The following PCP4 variants were observed in gnomAD, a reference collection of about 807,000 sequenced individuals.
The protein encoded by PCP4 is Purkinje cell protein 4.
In PCP4, 8 loss-of-function variants were observed where a neutral mutation model predicts 10.0. That is an observed-to-expected ratio of 0.80 (90% CI 0.47 to 1.45). The LOEUF is 1.45. Among genes scored for constraint, PCP4 ranks in the 40% most tolerant of loss-of-function variants. PCP4 has a pLI of 0.00. For synonymous variants in PCP4, 21 were observed against 23.0 expected, an observed-to-expected ratio of 0.91 and a Z score of 0.24; for missense variants, 54 against 74.4, an observed-to-expected ratio of 0.73 and a Z score of 1.01.
intron 2 of PCP4, among the ~76,000 whole-genome samples, chr21:39,911,000 G>A (rs141295594): frequency 1.7e-4 from 26 of 151,896 alleles, no homozygotes; most frequent in African/African-American, 1.7e-4. Context: ...GTCTTTGGGC[G>A]CTTGTCGAAT....
At chr21:39,921,895 A>G (rs974141585) in intron 2 of PCP4, among the ~76,000 whole-genome samples, 2 of 152,218 alleles carry the variant, frequency 1.3e-5, no homozygotes, top group African/African-American at 2.4e-5. Context: ...CTGATGGACT[A>G]TGGGACTGAT....
intron 2 of PCP4, among the ~76,000 whole-genome samples, chr21:39,901,604 T>C (rs1455122649): frequency 6.6e-6 from 1 of 152,202 alleles, no homozygotes; most frequent in East Asian, 1.9e-4. Context: ...CTGAGTGAGG[T>C]TTTTTATGGA....
intron 1 of PCP4, chr21:39,883,774 C>T (rs1169913544): frequency 1.3e-5 from 2 of 152,144 alleles, no homozygotes; most frequent in Non-Finnish European, 1.5e-5. Flanking sequence ...CAACTGTGAG[C>T]TCAATGCACT....
chr21:39,877,285 C>T (rs372833793), intron 1 of PCP4, among the ~76,000 whole-genome samples: 167 of 152,226 alleles, frequency 1.1e-3, no homozygotes, highest in African/African-American at 3.7e-3. Context: ...TCAGGTCTTC[C>T]ACTCTATTTC....
chr21:39,923,031 TTGAC>T (rs1477573924), intron 2 of PCP4, among the ~76,000 whole-genome samples: 1 of 152,230 alleles, frequency 6.6e-6, no homozygotes, highest in Non-Finnish European at 1.5e-5. Context: ...TGAATATCTC[TTGAC>T]TGTTCTGTGG....
At chr21:39,927,322 C>CT (rs11400298) in intron 2 of PCP4, among the ~76,000 whole-genome samples, 53,721 of 128,816 alleles carry the variant, frequency 0.42, 10,762 homozygotes, top group Middle Eastern at 0.52. Flanking sequence ...ATCTATCTAT[C>CT]ATCTATCTAT....
chr21:39,921,539 G>A lies in PCP4; in HGVS notation c.62-7445G>A, dbSNP rs376349429. On this transcript the variant is annotated intron_variant, in intron 2 of 2. Transcript: ENST00000328619. ...GCAAAGCAACTTTAAAACCTATGAAGCCTCCAAATTAGGTCAGGTGCTGTT... is the reference window on the plus strand; with the variant it reads ...GCAAAGCAACTTTAAAACCTATGAAACCTCCAAATTAGGTCAGGTGCTGTT... Among the ~76,000 whole-genome samples the A allele has an allele frequency of 1.3e-4, 20 of 152,246 alleles. No homozygotes were observed. In the South Asian group the frequency reaches 2.5e-3, roughly 19 times the overall value.
intron 2 of PCP4, chr21:39,925,917 C>T (rs1342710886): frequency 2.5e-6 from 1 of 398,090 alleles, no homozygotes; most frequent in African/African-American, 2.0e-5. Context: ...CCCTTACTCT[C>T]CTCCCCTACC....
intron 1 of PCP4, among the ~76,000 whole-genome samples, chr21:39,880,510 T>C (rs182504846): frequency 7.1e-4 from 108 of 152,308 alleles, no homozygotes; most frequent in African/African-American, 2.2e-3. Flanking sequence ...TACGTGTATA[T>C]GTTTAAAGGC....
intron 1 of PCP4, among the ~76,000 whole-genome samples, chr21:39,891,940 T>C (rs539825807): frequency 4.3e-4 from 66 of 152,326 alleles, no homozygotes; most frequent in Non-Finnish European, 7.5e-4. Context: ...AGTGTGACCA[T>C]TGAAGCACAG....
At chr21:39,925,904 C>T (rs1295447417) in intron 2 of PCP4, 5 of 377,704 alleles carry the variant, frequency 1.3e-5, no homozygotes, top group Middle Eastern at 3.9e-4. Flanking sequence ...GCTGTGGTCC[C>T]TTCCCTTACT....
chr21:39,914,588 G>GA (rs1208719253), intron 2 of PCP4, among the ~76,000 whole-genome samples: 185 of 62,702 alleles, frequency 3.0e-3, no homozygotes, highest in Non-Finnish European at 4.7e-3. Context: ...AAAAAAAAAA[G>GA]AAAAAAAAAA....
intron 2 of PCP4, among the ~76,000 whole-genome samples, chr21:39,921,813 T>C (rs779850854): frequency 2.0e-4 from 31 of 152,224 alleles, no homozygotes; most frequent in Non-Finnish European, 3.7e-4. Flanking sequence ...TTCCCATTGG[T>C]GAAGCCATCT....
chr21:39,901,302 C>A (rs1479980733), intron 2 of PCP4, among the ~76,000 whole-genome samples: 2 of 152,130 alleles, frequency 1.3e-5, no homozygotes, highest in African/African-American at 4.8e-5. Context: ...ATGTAGGCAC[C>A]CCCCAGGGTA....
At chr21:39,886,674 C>T (rs1452194796) in intron 1 of PCP4, among the ~76,000 whole-genome samples, 1 of 152,142 alleles carries the variant, frequency 6.6e-6, no homozygotes, top group East Asian at 1.9e-4. Flanking sequence ...CAAATGAACT[C>T]AACAGTGTGG....
intron 1 of PCP4, among the ~76,000 whole-genome samples, chr21:39,883,220 A>G (rs2087384321): frequency 6.6e-6 from 1 of 152,210 alleles, no homozygotes; most frequent in Admixed American, 6.5e-5. Context: ...GGGGTTGCCA[A>G]GGGTGGCTTG....
At chr21:39,884,325 A>G (rs1291078994) in intron 1 of PCP4, among the ~76,000 whole-genome samples, 6 of 151,746 alleles carry the variant, frequency 4.0e-5, no homozygotes, top group African/African-American at 7.3e-5. Flanking sequence ...GATTACAGGC[A>G]TGCACCACCA....
chr21:39,907,590 G>A (rs2087518348), intron 2 of PCP4, among the ~76,000 whole-genome samples: 1 of 152,190 alleles, frequency 6.6e-6, no homozygotes, highest in African/African-American at 2.4e-5. Flanking sequence ...GAAGTCAGGA[G>A]TTTGAGGCCA....
At chr21:39,908,151 C>T (rs913578052) in intron 2 of PCP4, among the ~76,000 whole-genome samples, 1 of 151,730 alleles carries the variant, frequency 6.6e-6, no homozygotes. Context: ...TGAAACCATG[C>T]TTTCATGTTA....
Sources: allele counts gnomAD v4.1 joint callset (sites outside exome capture counted in the v4.1 genomes callset), GRCh38; gene constraint gnomAD v4.1.1; transcripts MANE v1.5; gene names NCBI Gene and HGNC (gene_info 2026-07-23, HGNC 2026-07-21).